MUC6: variants seen among roughly 807,000 people sequenced by gnomAD.
MUC6 encodes mucin 6, oligomeric mucus/gel-forming (gene/pseudogene), also known as mucin-6.
Under a neutral mutation model 201.5 loss-of-function variants are expected in MUC6, and 188 were observed. The ratio of observed to expected loss-of-function variants is 0.93; its 90% CI spans 0.83 to 1.05. MUC6 has a LOEUF of 1.05. Among genes scored for constraint, MUC6 ranks in the 50% least tolerant of loss-of-function variants. The pLI, the probability that MUC6 is intolerant of heterozygous loss-of-function variation, is 0.00. For missense variants in MUC6, 2,706 were observed against 3,256.9 expected (o/e 0.83, Z 4.12); for synonymous variants, 1,228 against 1,389.4 (o/e 0.88, Z 2.58).
At chr11:1,031,398 A>G (rs1857101579) in intron 4 of MUC6, 139 bp from the exon 5 acceptor site, 2 of 1,157,300 alleles carry the variant, frequency 1.7e-6, no homozygotes, top group African/African-American at 1.6e-5. Flanking sequence ...ATGGGAGGCT[A>G]ATTTTCCAGT....
In MUC6 at chr11:1,032,052, G is replaced by A; in HGVS notation, c.117C>T (p.Ala39=). 1 of 1,613,052 alleles carries A rather than the reference G, an allele frequency of 6.2e-7. No homozygotes were observed. The highest frequency in any genetic ancestry group is 8.5e-7 in the Non-Finnish European group (1 of 1,179,796). ...LQRLKDSPQT[A]PDKGQCSTWG... Reference sequence around the variant, plus strand: ...ACGTGGAGCACTGGCCTTTGTCCGGGGCTACAGAGAGAGCAGTGCTCACAC... The same window carrying A: ...ACGTGGAGCACTGGCCTTTGTCCGGAGCTACAGAGAGAGCAGTGCTCACAC... The change falls in exon 3 of 33, where the codon GCC becomes GCT. Residue 39 remains alanine (A), a splice_region_variant and synonymous_variant. Transcript: ENST00000421673.
chr11:1,026,881 A>G, intron 19 of MUC6, 60 bp downstream of exon 19: 1 of 1,435,284 alleles, frequency 7.0e-7, no homozygotes, highest in Non-Finnish European at 9.5e-7. Context: ...TTCTGTGGAA[A>G]CCCCCTCATG....
rs1856800482 is a variant in MUC6 at position 1,021,285 on chromosome 11, G to A, written c.3527-8C>T. 1.9e-6 allele frequency: 3 copies of A among 1,555,562 alleles called. No homozygotes were observed. The highest frequency in any genetic ancestry group is 2.6e-6 in the Non-Finnish European group (3 of 1,151,654). ...GGGAGCAGTTGTAGCAGCCTAGGGT[G>A]GAGAACGGCCAGGGTCTGTGTGACT... On this transcript the variant is annotated splice_region_variant and splice_polypyrimidine_tract_variant and intron_variant, in intron 26 of 32. Transcript: ENST00000421673.
At position 1,033,080 on chromosome 11, in the gene MUC6, GT is replaced by G; in HGVS notation, c.53-6del. ...TGTAGGAGGTGTTAGCCAGACCTGT[GT>G]GGACGGGACCCGCAGTCGGTGTGGG... On this transcript the variant is annotated splice_polypyrimidine_tract_variant and splice_region_variant and intron_variant, in intron 1 of 32. Coordinates refer to ENST00000421673, the MANE Select transcript of MUC6 (RefSeq NM_005961.3). This position sits in a 1 kb window ranked among gnomAD's most constrained non-coding sequence, Gnocchi z 5.6. 5 of 1,613,292 alleles carry G rather than the reference GT, an allele frequency of 3.1e-6. No individual in the cohort carries two copies. Among genetic ancestry groups the G allele is most frequent in the Non-Finnish European group, 4.2e-6 (5 of 1,179,410 alleles).
At chr11:1,032,110 G>C (rs934443434) in intron 2 of MUC6, 57 bp from the exon 3 acceptor site, 32 of 1,586,884 alleles carry the variant, frequency 2.0e-5, no homozygotes, top group African/African-American at 8.1e-5. Flanking sequence ...GGCCAGGCAG[G>C]GCTGGGGCAG....
Position 1,013,486 on chromosome 11 carries a change from G to T in MUC6, c.7290C>A (p.Cys2430Ter). The change falls in exon 33 of 33, where the codon TGC becomes TGA. Residue 2430 changes from cysteine to a stop codon, truncating the protein, a stop_gained. Coordinates refer to ENST00000421673, the MANE Select transcript of MUC6 (RefSeq NM_005961.3). LOFTEE classifies it low-confidence loss of function (END_TRUNC). ...LVLTLQVFSHCVCSSVACGD is the reference protein window; with the variant it reads ...LVLTLQVFSH ...CTCCACAGGCCACAGAGCTGCACAC[G>T]CAGTGGCTGAACACCTGCAGGGTGA... The T allele has an allele frequency of 1.9e-6, 3 of 1,585,450 alleles. No individual in the cohort carries two copies. The highest frequency in any genetic ancestry group is 2.6e-6 in the Non-Finnish European group (3 of 1,167,334).
Position 1,016,114 on chromosome 11 carries a change from G to T in MUC6, c.6687C>A (p.Ser2229=). 2 of 1,613,596 alleles carry T rather than the reference G, an allele frequency of 1.2e-6. No homozygotes were observed. The highest frequency in any genetic ancestry group is 4.5e-5 in the East Asian group (2 of 44,870). ...ATGGGGTGGGAGACACGGTAACAGT[G>T]GATATGGGGAGTAGAGCAGAGAGGG... The part of the protein sequence containing the change: ...PFTLSALLPI[S]TVTVSPTPSS... Residue 2229 remains serine, a synonymous_variant, in exon 31 of 33, where the codon TCC becomes TCA. Transcript: ENST00000421673.
rs573351470 is a variant in MUC6, at chr11:1,032,397, G to A, written c.116-344C>T. Reference sequence around the variant, plus strand: ...GTGTGTGTTGGAGGGCTGTGTAGGCGTGTGAGATATACACCTGCATGTGTG... The same window carrying A: ...GTGTGTGTTGGAGGGCTGTGTAGGCATGTGAGATATACACCTGCATGTGTG... On this transcript the variant is annotated intron_variant, in intron 2 of 32. Coordinates refer to ENST00000421673, the MANE Select transcript of MUC6 (RefSeq NM_005961.3). Among the ~76,000 whole-genome samples the A allele has an allele frequency of 1.2e-4, 18 of 152,178 alleles. No homozygotes were observed. In the East Asian group the frequency reaches 2.1e-3, roughly 18 times the overall value.
chr11:1,032,857 T>C lies in MUC6; in HGVS notation c.115+156A>G, dbSNP rs189517109. Among the ~76,000 whole-genome samples, 365 of 152,000 alleles carry C rather than the reference T, an allele frequency of 2.4e-3. 1 individual carries two copies. Among genetic ancestry groups the C allele is most frequent in the African/African-American group, 8.5e-3 (353 of 41,440 alleles). ...TGTGCATGTGTATATTGGGTATGTGTGTGTGTTGGGTGTATGTGCATGTGT... is the reference window on the plus strand; with the variant it reads ...TGTGCATGTGTATATTGGGTATGTGCGTGTGTTGGGTGTATGTGCATGTGT... On this transcript the variant is annotated intron_variant, in intron 2 of 32. Transcript: ENST00000421673.
intron 22 of MUC6, among the ~76,000 whole-genome samples, chr11:1,025,593 C>T (rs1156423442): frequency 1.3e-5 from 2 of 152,196 alleles, no homozygotes; most frequent in South Asian, 4.1e-4. Flanking sequence ...GCCCGGGAGA[C>T]ATTCTGCAGT....
rs565936012 is a variant in MUC6 at position 1,023,157 on chromosome 11, GTGAA to G, written c.3526+348_3526+351del. Among the ~76,000 whole-genome samples, 438 of 152,154 alleles carry G rather than the reference GTGAA, an allele frequency of 2.9e-3. 1 individual carries two copies. The highest frequency in any genetic ancestry group is 7.3e-3 in the African/African-American group (301 of 41,494). ...CGTGAATGTGCGTGAGTGAATGTGC[GTGAA>G]TGAATGTGCATGAATCTGCGGGAAT... On this transcript the variant is annotated intron_variant, in intron 26 of 32. Transcript: ENST00000421673.
At chr11:1,019,220 G>A in intron 30 of MUC6, 55 bp downstream of exon 30, 1 of 1,547,656 alleles carries the variant, frequency 6.5e-7, no homozygotes. Flanking sequence ...ATGTGAGCTG[G>A]TGGTGGGACC....
chr11:1,028,657 C>A lies in MUC6; in HGVS notation c.1580G>T (p.Gly527Val). 3 of 1,608,864 alleles carry A rather than the reference C, an allele frequency of 1.9e-6. No homozygotes were observed. Among genetic ancestry groups the A allele is most frequent in the Non-Finnish European group, 2.5e-6 (3 of 1,178,294 alleles). ...AGGCAGGGACTCACCTCTGGTCTGA[C>A]CTCTGAACTGGGGCCCAACAGTGAC... The part of the protein sequence containing the change: ...AYVTVGPQFR[G>V]QTRGLCGNFN... The change falls in exon 13 of 33, where the codon GGT becomes GTT. Residue 527 changes from glycine (G) to valine (V), a missense_variant. By Grantham distance (109) the Gly-to-Val change is moderately radical. Coordinates refer to ENST00000421673, the MANE Select transcript of MUC6 (RefSeq NM_005961.3).
chr11:1,026,472 TG>T lies in MUC6; in HGVS notation c.2400del (p.Thr801ProfsTer111). The part of the protein sequence containing the change: ...QMLATGVACV[P>X]TKCEPGCVCA... ...CAGACACAGCCAGGCTCACACTTGG[TG>T]GGCACCTGGAGGGAGGCAGGTCAGC... On this transcript the variant is annotated frameshift_variant, in exon 20 of 33. Transcript: ENST00000421673. LOFTEE classifies it high-confidence loss of function. The T allele has an allele frequency of 6.3e-7, 1 of 1,591,102 alleles. No individual in the cohort carries two copies.
At chr11:1,035,016 G>A (rs900906958) in intron 1 of MUC6, among the ~76,000 whole-genome samples, 1 of 152,212 alleles carries the variant, frequency 6.6e-6, no homozygotes, top group Admixed American at 6.5e-5. Flanking sequence ...GGGTTGGTCC[G>A]CCACCCCCGG....
Position 1,032,025 on chromosome 11 carries a change from C to A in MUC6, c.144G>T (p.Trp48Cys). 1 of 1,613,418 alleles carries A rather than the reference C, an allele frequency of 6.2e-7. No homozygotes were observed. The highest frequency in any genetic ancestry group is 8.5e-7 in the Non-Finnish European group (1 of 1,179,872). ...TAPDKGQCST[W>C]GAGHFSTFDH... ...CGAAGGTGGAGAAGTGACCAGCCCC[C>A]CACGTGGAGCACTGGCCTTTGTCCG... Residue 48 changes from tryptophan to cysteine, a missense_variant, in exon 3 of 33, where the codon TGG (tryptophan) becomes TGT (cysteine). Physicochemically the swap from Trp to Cys is radical, Grantham distance 215. This residue lies in a region of MUC6 where 1,850 missense variants were observed against 1,958.3 expected (regional missense o/e 0.94). Coordinates refer to ENST00000421673, the MANE Select transcript of MUC6 (RefSeq NM_005961.3).
intron 20 of MUC6, 50 bp from the exon 21 acceptor site, chr11:1,026,191 C>T: frequency 6.4e-7 from 1 of 1,560,394 alleles, no homozygotes; most frequent in Non-Finnish European, 8.7e-7. Context: ...TCCTGCCATA[C>T]TGGGTGTGGT....
At position 1,026,377 on chromosome 11, in the gene MUC6, C is replaced by G. The variant is rs370619569; in HGVS notation, c.2496G>C (p.Ser832=). The change falls in exon 20 of 33, where the codon TCG becomes TCC. Residue 832 remains serine, a synonymous_variant. Coordinates refer to ENST00000421673, the MANE Select transcript of MUC6 (RefSeq NM_005961.3). ...VPPEECPCEF[S]GVSYPGGAEL... ...CAGCTCCTCCAGGGTAGGAGACCCC[C>G]GAGAACTCACATGGGCACTCCTCGG... The G allele has an allele frequency of 6.2e-7, 1 of 1,606,620 alleles. No individual in the cohort carries two copies. Among genetic ancestry groups the G allele is most frequent in the East Asian group, 2.2e-5 (1 of 44,792 alleles).
rs745638656 is a variant in MUC6 at position 1,013,586 on chromosome 11, C to G, written c.7190G>C (p.Arg2397Pro). Residue 2397 changes from arginine to proline, a missense_variant, in exon 33 of 33, where the codon CGC (arginine) becomes CCC (proline). Arg to Pro is a moderately radical substitution (Grantham distance 103, BLOSUM62 -2). This residue lies in a region of MUC6 where 586 missense variants were observed against 488.0 expected (regional missense o/e 1.20). Transcript: ENST00000421673. ...CTGCTGCTCATAGGAGTGGAGGGGG[C>G]GGCAGCAGCTGCAGCGGGCATCCAC... The part of the protein sequence containing the change: ...QQVDARCSCC[R>P]PLHSYEQQLE... 1 of 1,570,082 alleles carries G rather than the reference C, an allele frequency of 6.4e-7. No homozygotes were observed. The highest frequency in any genetic ancestry group is 1.9e-5 in the Admixed American group (1 of 53,220).
Sources: allele counts gnomAD v4.1 joint callset (sites outside exome capture counted in the v4.1 genomes callset), GRCh38; gene constraint gnomAD v4.1.1; regional missense constraint gnomAD v4.1.1; non-coding constraint Gnocchi (gnomAD v3.1); transcripts MANE v1.5; gene names NCBI Gene and HGNC (gene_info 2026-07-23, HGNC 2026-07-21).